The following BMPER variants were observed in gnomAD, a reference collection of about 807,000 sequenced individuals.
BMPER encodes BMP binding endothelial regulator.
BMPER carries 45 observed loss-of-function variants against 87.3 expected under a neutral mutation model. That is an observed-to-expected ratio of 0.52 (90% CI 0.41 to 0.66). The LOEUF is 0.66. Among genes scored for constraint, BMPER ranks in the 30% least tolerant of loss-of-function variants. The probability of loss-of-function intolerance (pLI) is 0.00; values close to 1 mark genes in which losing one functional copy is unlikely to be tolerated. For missense variants in BMPER, 784 were observed against 867.5 expected (o/e 0.90, Z 1.21); for synonymous variants, 326 against 316.2 (o/e 1.03, Z -0.33).
intron 2 of BMPER, among the ~76,000 whole-genome samples, chr7:33,920,589 C>A (rs1230538686): frequency 6.6e-6 from 1 of 151,888 alleles, no homozygotes; most frequent in African/African-American, 2.4e-5. Context: ...CCACGCCTGG[C>A]TAATTTTTGT....
intron 3 of BMPER, among the ~76,000 whole-genome samples, chr7:33,950,847 G>A (rs1785002956): frequency 6.6e-6 from 1 of 152,092 alleles, no homozygotes; most frequent in African/African-American, 2.4e-5. Flanking sequence ...TGGGACACAT[G>A]GTAAGTAGAA....
chr7:33,983,710 C>T (rs1785921746), intron 6 of BMPER, among the ~76,000 whole-genome samples: 1 of 152,130 alleles, frequency 6.6e-6, no homozygotes, highest in African/African-American at 2.4e-5. Flanking sequence ...CTCTGTCTAT[C>T]CTCTCCCTGC....
At chr7:34,028,798 TG>T (rs1426865143) in intron 6 of BMPER, among the ~76,000 whole-genome samples, 1 of 151,612 alleles carries the variant, frequency 6.6e-6, no homozygotes, top group Non-Finnish European at 1.5e-5. Context: ...GAGGAGCCTG[TG>T]TAGAGTAAAC....
chr7:34,065,348 T>C (rs1788559935), intron 11 of BMPER, among the ~76,000 whole-genome samples: 1 of 151,954 alleles, frequency 6.6e-6, no homozygotes, highest in South Asian at 2.1e-4. Flanking sequence ...GTCCTGTGCA[T>C]TGCAAGATCT....
chr7:33,955,792 G>A (rs536687956), intron 3 of BMPER, among the ~76,000 whole-genome samples: 3 of 152,264 alleles, frequency 2.0e-5, no homozygotes, highest in Non-Finnish European at 4.4e-5. Flanking sequence ...ACAGTGAGAG[G>A]AATCAGTCTA....
At chr7:34,081,256 A>G (rs778490794) in intron 12 of BMPER, among the ~76,000 whole-genome samples, 14 of 152,146 alleles carry the variant, frequency 9.2e-5, no homozygotes, top group African/African-American at 3.1e-4. Context: ...TTTACCACCT[A>G]TTGATTATGT....
intron 13 of BMPER, among the ~76,000 whole-genome samples, chr7:34,091,431 G>A (rs1789376752): frequency 1.3e-5 from 2 of 152,180 alleles, no homozygotes; most frequent in African/African-American, 4.8e-5. Flanking sequence ...ATTTTAAAGT[G>A]TGACATTGTA....
intron 13 of BMPER, among the ~76,000 whole-genome samples, chr7:34,103,210 T>G (rs1421700655): frequency 6.6e-6 from 1 of 152,104 alleles, no homozygotes; most frequent in Non-Finnish European, 1.5e-5. Flanking sequence ...ATATGAAGTA[T>G]GATGGAACAA....
At chr7:33,963,533 C>T (rs1294696076) in intron 3 of BMPER, among the ~76,000 whole-genome samples, 1 of 152,162 alleles carries the variant, frequency 6.6e-6, no homozygotes, top group Non-Finnish European at 1.5e-5. Flanking sequence ...GTGGCTCATG[C>T]CTGTAATCCC....
intron 6 of BMPER, among the ~76,000 whole-genome samples, chr7:34,017,872 A>G (rs1035260659): frequency 6.6e-6 from 1 of 151,610 alleles, no homozygotes; most frequent in Non-Finnish European, 1.5e-5. Flanking sequence ...ATTGTTTTCT[A>G]AATTTTAACC....
chr7:34,146,908 C>T (rs1044109568), intron 14 of BMPER, among the ~76,000 whole-genome samples: 2 of 152,136 alleles, frequency 1.3e-5, no homozygotes, highest in African/African-American at 4.8e-5. Flanking sequence ...TTGTTTGTTC[C>T]CTATCACTGG....
rs1783792708 is a variant in BMPER, at chr7:33,905,667, G to A, written c.54G>A (p.Ser18=). Residue 18 remains serine, a synonymous_variant, in exon 1 of 15, where the codon TCG becomes TCA. Transcript: ENST00000649409. ...GALAERYCRR[S]PGITCCVLLL... ...TGGCTGAGCGTTACTGCCGCCGCTC[G>A]CCTGGGATTACGTGCTGCGTCTTGC... 3 of 1,613,330 alleles carry A rather than the reference G, an allele frequency of 1.9e-6. No homozygotes were observed. Among genetic ancestry groups the A allele is most frequent in the Non-Finnish European group, 1.7e-6 (2 of 1,179,936 alleles).
intron 13 of BMPER, among the ~76,000 whole-genome samples, chr7:34,089,261 C>T (rs1441112110): frequency 6.6e-6 from 1 of 152,114 alleles, no homozygotes; most frequent in Non-Finnish European, 1.5e-5. Context: ...ACCCAAATAA[C>T]TTTCTGAGCA....
chr7:34,083,411 G>A (rs11974029), intron 12 of BMPER, among the ~76,000 whole-genome samples: 12,194 of 152,136 alleles, frequency 0.08, 1,612 homozygotes, highest in African/African-American at 0.28. Flanking sequence ...ATCTAAGTCT[G>A]TTTAATTTCT....
chr7:34,118,134 G>A (rs6462531), intron 13 of BMPER, among the ~76,000 whole-genome samples: 89,187 of 151,732 alleles, frequency 0.59, 26,704 homozygotes, highest in East Asian at 0.85. Context: ...GTGAAACCCC[G>A]TCTCTACTAA....
chr7:34,052,087 A>G, intron 8 of BMPER, 117 bp downstream of exon 8: 2 of 941,918 alleles, frequency 2.1e-6, no homozygotes, highest in Non-Finnish European at 1.7e-6. Context: ...AGCATTAACA[A>G]TGCCATTTTA....
At chr7:33,944,373 G>T (rs970566520) in intron 3 of BMPER, among the ~76,000 whole-genome samples, 5 of 151,972 alleles carry the variant, frequency 3.3e-5, no homozygotes, top group African/African-American at 1.2e-4. Context: ...CGCTGTGTTG[G>T]CCAGGCTCAT....
chr7:34,063,392 T>C (rs1041415035), intron 11 of BMPER, among the ~76,000 whole-genome samples: 3 of 130,950 alleles, frequency 2.3e-5, no homozygotes, highest in Non-Finnish European at 4.8e-5. Flanking sequence ...TGTGTGTGTG[T>C]GTGTGTGTGT....
At chr7:33,935,460 G>A (rs1192354302) in intron 2 of BMPER, among the ~76,000 whole-genome samples, 1 of 152,150 alleles carries the variant, frequency 6.6e-6, no homozygotes. Context: ...TCTTTGTTAA[G>A]AACTCCACAG....
Sources: allele counts gnomAD v4.1 joint callset (sites outside exome capture counted in the v4.1 genomes callset), GRCh38; gene constraint gnomAD v4.1.1; transcripts MANE v1.5; gene names NCBI Gene and HGNC (gene_info 2026-07-23, HGNC 2026-07-21).